DLG2: variants seen among roughly 807,000 people sequenced by gnomAD.
The protein encoded by DLG2 is discs large MAGUK scaffold protein 2.
DLG2 carries 45 observed loss-of-function variants against 132.5 expected under a neutral mutation model. That is an observed-to-expected ratio of 0.34 (90% confidence interval 0.27 to 0.44). The LOEUF is 0.44. DLG2 is among the 20% of genes least tolerant of loss of function. The pLI, the probability that DLG2 is intolerant of heterozygous loss-of-function variation, is 1.00. For missense variants in DLG2, 1,045 were observed against 1,196.9 expected, an observed-to-expected ratio of 0.87 and a Z score of 1.87; for synonymous variants, 424 against 419.6, an observed-to-expected ratio of 1.01 and a Z score of -0.13.
chr11:85,202,490 G>T (rs895732938), intron 4 of DLG2, among the ~76,000 whole-genome samples: 1 of 152,064 alleles, frequency 6.6e-6, no homozygotes, highest in African/African-American at 2.4e-5. Context: ...AGATCATCCA[G>T]ATAGAAAAAT....
intron 6 of DLG2, among the ~76,000 whole-genome samples, chr11:84,721,049 C>T (rs986502906): frequency 7.9e-5 from 12 of 152,090 alleles, no homozygotes; most frequent in African/African-American, 2.9e-4. Context: ...CGTGGGAGCG[C>T]GGGACCTCCC....
At chr11:84,971,241 T>A (rs2054056907) in intron 6 of DLG2, among the ~76,000 whole-genome samples, 1 of 151,958 alleles carries the variant, frequency 6.6e-6, no homozygotes, top group African/African-American at 2.4e-5. Context: ...AAAAAGAAAA[T>A]GAAAAGCACA....
intron 3 of DLG2, among the ~76,000 whole-genome samples, chr11:85,391,046 T>C: frequency 6.6e-6 from 1 of 151,864 alleles, no homozygotes; most frequent in East Asian, 1.9e-4. Context: ...TTAGCAAGAT[T>C]AACAAAGAAA....
chr11:84,053,366 C>T lies in DLG2; in HGVS notation c.919+5949G>A, dbSNP rs118188155. On this transcript the variant is annotated intron_variant, in intron 11 of 27. Coordinates refer to ENST00000376104, the MANE Select transcript of DLG2 (RefSeq NM_001142699.3). ...ATGGGATGATCTGTGTAGCCAACCA[C>T]CATGGCACACGTTTACCTATGTAAC... 5.3e-5 allele frequency among the ~76,000 whole-genome samples: 8 copies of T among 151,972 alleles called. 1 individual carries two copies. In the East Asian group the frequency reaches 1.6e-3, roughly 30 times the overall value.
At chr11:84,043,205 T>C (rs1326027587) in intron 11 of DLG2, among the ~76,000 whole-genome samples, 1 of 151,442 alleles carries the variant, frequency 6.6e-6, no homozygotes, top group Non-Finnish European at 1.5e-5. Flanking sequence ...ATTAAATAAA[T>C]AAATTTAAAA....
chr11:85,172,873 G>A (rs1208134038), intron 4 of DLG2, among the ~76,000 whole-genome samples: 3 of 152,102 alleles, frequency 2.0e-5, no homozygotes, highest in Admixed American at 2.0e-4. Flanking sequence ...AAGAATCTCA[G>A]AGCTTGAAGA....
chr11:84,502,603 G>C (rs1261106022), intron 7 of DLG2, among the ~76,000 whole-genome samples: 2 of 151,336 alleles, frequency 1.3e-5, no homozygotes, highest in South Asian at 2.1e-4. Context: ...TCACCATGTT[G>C]ACCAGGCTAA....
intron 6 of DLG2, among the ~76,000 whole-genome samples, chr11:84,900,592 A>G (rs1352027402): frequency 6.6e-6 from 1 of 152,062 alleles, no homozygotes; most frequent in African/African-American, 2.4e-5. Flanking sequence ...TAAAGAAATC[A>G]AATTTAGATA....
intron 17 of DLG2, among the ~76,000 whole-genome samples, chr11:83,800,823 A>T (rs2044167385): frequency 2.0e-5 from 3 of 152,332 alleles, no homozygotes; most frequent in Non-Finnish European, 4.4e-5. Flanking sequence ...GAATTCATGC[A>T]TTTCAAGTAA....
chr11:85,528,035 G>GT (rs562105047), intron 3 of DLG2, among the ~76,000 whole-genome samples: 3 of 152,014 alleles, frequency 2.0e-5, no homozygotes, highest in Non-Finnish European at 4.4e-5. Flanking sequence ...GGGATTGTTT[G>GT]TTTTTTTCTT....
At chr11:84,857,879 T>C (rs2083000572) in intron 6 of DLG2, among the ~76,000 whole-genome samples, 1 of 152,038 alleles carries the variant, frequency 6.6e-6, no homozygotes, top group South Asian at 2.1e-4. Flanking sequence ...ACCCAATATT[T>C]GTAGCCACTA....
At chr11:83,833,429 G>A (rs3793947) in intron 17 of DLG2, among the ~76,000 whole-genome samples, 185 bp downstream of exon 17, 64,697 of 151,938 alleles carry the variant, frequency 0.43, 14,006 homozygotes, top group Middle Eastern at 0.6. Context: ...CAGACAGAGC[G>A]AGATTCTGTC....
chr11:84,067,864 G>A (rs1402963177), intron 10 of DLG2, among the ~76,000 whole-genome samples: 1 of 152,206 alleles, frequency 6.6e-6, no homozygotes, highest in African/African-American at 2.4e-5. Flanking sequence ...AAGAAAGGAA[G>A]AGGAATGTTT....
intron 3 of DLG2, among the ~76,000 whole-genome samples, chr11:85,466,301 G>C (rs1054857062): frequency 3.9e-5 from 6 of 152,250 alleles, no homozygotes; most frequent in Non-Finnish European, 5.9e-5. Context: ...CTGTGCAGAA[G>C]CTCTTTAGTT....
intron 7 of DLG2, among the ~76,000 whole-genome samples, chr11:84,491,924 C>CT (rs1330347051): frequency 6.6e-6 from 1 of 152,100 alleles, no homozygotes; most frequent in Non-Finnish European, 1.5e-5. Flanking sequence ...AATCTTTTGA[C>CT]TTTATCTCCT....
intron 7 of DLG2, among the ~76,000 whole-genome samples, chr11:84,309,237 G>T (rs2098263815): frequency 6.6e-6 from 1 of 152,112 alleles, no homozygotes; most frequent in East Asian, 1.9e-4. Flanking sequence ...AATTTCTAGG[G>T]GCTCTCCTCT....
chr11:84,931,356 C>T (rs750872975), intron 6 of DLG2, among the ~76,000 whole-genome samples: 2 of 152,030 alleles, frequency 1.3e-5, no homozygotes, highest in Non-Finnish European at 2.9e-5. Flanking sequence ...TGTGTCATTC[C>T]CCTCTATGTG....
At chr11:84,833,415 T>C (rs1423988507) in intron 6 of DLG2, among the ~76,000 whole-genome samples, 1 of 151,556 alleles carries the variant, frequency 6.6e-6, no homozygotes, top group African/African-American at 2.4e-5. Flanking sequence ...CCCTAAAATG[T>C]GTCTCACCCC....
intron 4 of DLG2, among the ~76,000 whole-genome samples, chr11:85,265,374 T>C (rs184329964): frequency 6.6e-6 from 1 of 152,352 alleles, no homozygotes; most frequent in Admixed American, 6.5e-5. Flanking sequence ...AATTTTTTTA[T>C]ATTTATGTAC....
Sources: gnomAD v4.1 joint callset for allele counts (sites outside exome capture counted in the v4.1 genomes callset) on GRCh38, gnomAD v4.1.1 for gene constraint, MANE v1.5 for transcripts, NCBI Gene and HGNC (gene_info 2026-07-23, HGNC 2026-07-21) for gene names.